The following ANO5 variants were observed in gnomAD, a reference collection of about 807,000 sequenced individuals.
ANO5 encodes the protein anoctamin 5.
Under a neutral mutation model 121.0 loss-of-function variants are expected in ANO5, and 109 were observed. The ratio of observed to expected loss-of-function variants is 0.90; its 90% CI spans 0.77 to 1.06. The LOEUF (loss-of-function observed/expected upper bound fraction) is 1.06, where lower values mean the gene tolerates loss of function less well. Among genes scored for constraint, ANO5 ranks in the 50% least tolerant of loss-of-function variants. The pLI is 0.00. For synonymous variants in ANO5, 406 were observed against 359.9 expected (o/e 1.13, Z -1.45); for missense variants, 1,064 against 1,078.5 (o/e 0.99, Z 0.19).
intron 9 of ANO5, among the ~76,000 whole-genome samples, chr11:22,241,857 CT>C (rs1213201942): frequency 6.6e-6 from 1 of 151,808 alleles, no homozygotes; most frequent in Non-Finnish European, 1.5e-5. Flanking sequence ...TCTATTGATA[CT>C]TTCTTTTGCT....
chr11:22,193,609 CG>C, intron 1 of ANO5, 77 bp downstream of exon 1: 1 of 1,545,320 alleles, frequency 6.5e-7, no homozygotes, highest in South Asian at 1.2e-5. Context: ...GCAGAGGCCC[CG>C]GGGGACGTTG....
At chr11:22,194,280 G>C (rs929821279) in intron 1 of ANO5, among the ~76,000 whole-genome samples, 2 of 152,108 alleles carry the variant, frequency 1.3e-5, no homozygotes, top group African/African-American at 4.8e-5. Flanking sequence ...CAGGACCCCA[G>C]TTCCTTCAAT....
chr11:22,229,810 A>G (rs549784250), intron 7 of ANO5, among the ~76,000 whole-genome samples: 1 of 152,036 alleles, frequency 6.6e-6, no homozygotes, highest in South Asian at 2.1e-4. Context: ...CTTCCTTCAT[A>G]GTGTAGCAAC....
chr11:22,251,793 G>C (rs1020481195), intron 12 of ANO5, among the ~76,000 whole-genome samples: 6 of 151,856 alleles, frequency 4.0e-5, no homozygotes, highest in African/African-American at 1.5e-4. Flanking sequence ...TTGGGAGGCT[G>C]AGGTGGGCAG....
intron 7 of ANO5, 134 bp downstream of exon 7, chr11:22,227,720 G>A: frequency 6.0e-6 from 7 of 1,157,422 alleles, no homozygotes; most frequent in South Asian, 1.4e-5. Context: ...TGGTGATATT[G>A]GGGAGTTTGA....
chr11:22,252,603 C>T (rs1853864299), intron 12 of ANO5, among the ~76,000 whole-genome samples: 1 of 152,000 alleles, frequency 6.6e-6, no homozygotes, highest in Admixed American at 6.6e-5. Context: ...CTTTGTCTGC[C>T]ACATAAATTG....
intron 3 of ANO5, among the ~76,000 whole-genome samples, chr11:22,211,628 G>T (rs1450535317): frequency 1.3e-5 from 2 of 151,832 alleles, no homozygotes; most frequent in African/African-American, 4.8e-5. Context: ...GTTGATGCTT[G>T]ACTACACTCA....
chr11:22,203,939 A>T, intron 2 of ANO5, 89 bp downstream of exon 2: 1 of 855,716 alleles, frequency 1.2e-6, no homozygotes, highest in Non-Finnish European at 1.8e-6. Context: ...TTATTTACTT[A>T]TAATACATTC....
intron 7 of ANO5, among the ~76,000 whole-genome samples, chr11:22,231,368 C>A (rs1296409005): frequency 6.6e-6 from 1 of 151,758 alleles, no homozygotes; most frequent in African/African-American, 2.4e-5. Flanking sequence ...ACGACTGAAG[C>A]ACAGTTTCAT....
chr11:22,282,202 T>C lies in ANO5; in HGVS notation c.*2437T>C, dbSNP rs890451874. The C allele has an allele frequency of 6.6e-6, 1 of 152,178 alleles. No individual in the cohort carries two copies. Among genetic ancestry groups the C allele is most frequent in the African/African-American group, 2.4e-5 (1 of 41,460 alleles). 9.4% of individuals were successfully genotyped at this position (152,178 alleles called of 1,614,324 possible). On this transcript the variant is annotated 3_prime_UTR_variant, in exon 22 of 22. Transcript: ENST00000324559. The stretch of plus-strand genomic sequence containing the variant: ...TAGTTTTGTTTTGTTTTCAGAATGT[T>C]CTAGGGAACATTTGAGATTTTATGT...
intron 9 of ANO5, among the ~76,000 whole-genome samples, chr11:22,244,805 T>A (rs1355055461): frequency 6.6e-6 from 1 of 151,970 alleles, no homozygotes; most frequent in Non-Finnish European, 1.5e-5. Flanking sequence ...CCTGGATTAC[T>A]GGATTGGGTT....
At chr11:22,254,870 A>C (rs535880994) in intron 12 of ANO5, among the ~76,000 whole-genome samples, 1 of 152,080 alleles carries the variant, frequency 6.6e-6, no homozygotes, top group Non-Finnish European at 1.5e-5. Flanking sequence ...TCAAATAAAG[A>C]CATAAAAAGA....
intron 14 of ANO5, 36 bp from the exon 15 acceptor site, chr11:22,259,483 A>C (rs1191138757): frequency 6.4e-7 from 1 of 1,556,478 alleles, no homozygotes; most frequent in East Asian, 2.2e-5. Flanking sequence ...AGAGATACAG[A>C]GACCCAAATA....
intron 7 of ANO5, 35 bp from the exon 8 acceptor site, chr11:22,236,128 A>G (rs770102821): frequency 1.1e-5 from 15 of 1,353,198 alleles, no homozygotes; most frequent in Non-Finnish European, 1.5e-5. Context: ...TAAAGTTCTG[A>G]GATGTGATAG....
At chr11:22,223,815 A>G (rs765791900) in intron 5 of ANO5, among the ~76,000 whole-genome samples, 1 of 151,974 alleles carries the variant, frequency 6.6e-6, no homozygotes, top group Non-Finnish European at 1.5e-5. Context: ...TAATTTTTCT[A>G]TATTAAAAAG....
chr11:22,235,829 A>G (rs1237079998), intron 7 of ANO5, among the ~76,000 whole-genome samples: 1 of 152,168 alleles, frequency 6.6e-6, no homozygotes, highest in African/African-American at 2.4e-5. Flanking sequence ...AACTGTTAGT[A>G]GTGACATTAG....
In ANO5 at chr11:22,264,700, C is replaced by T. The variant is rs183582741; in HGVS notation, c.1898+1657C>T. Among the ~76,000 whole-genome samples the T allele has an allele frequency of 5.3e-5, 8 of 152,142 alleles. No homozygotes were observed. The East Asian group carries it at 1.4e-3, about 26-fold the overall frequency. On this transcript the variant is annotated intron_variant, in intron 17 of 21. Transcript: ENST00000324559. ...ACTAACAACATAAGGAAAGGTGATA[C>T]TGTCATTAAAATAGATCAGGAAATA...
chr11:22,246,527 T>C (rs1472618985), intron 9 of ANO5, among the ~76,000 whole-genome samples: 2 of 152,036 alleles, frequency 1.3e-5, no homozygotes, highest in African/African-American at 2.4e-5. Flanking sequence ...AAAGGTTTTG[T>C]GGGTAGACTT....
At chr11:22,263,072 G>A (rs76084798) in intron 17 of ANO5, 29 bp downstream of exon 17, 1 of 1,535,788 alleles carries the variant, frequency 6.5e-7, no homozygotes, top group African/African-American at 1.4e-5. Context: ...CTTTTTATTT[G>A]ATTTAAGTAA....
Sources: gnomAD v4.1 joint callset for allele counts (sites outside exome capture counted in the v4.1 genomes callset) on GRCh38, gnomAD v4.1.1 for gene constraint, MANE v1.5 for transcripts, NCBI Gene and HGNC (gene_info 2026-07-23, HGNC 2026-07-21) for gene names.